LCP2: variants seen among roughly 807,000 people sequenced by gnomAD.
The protein encoded by LCP2 is lymphocyte cytosolic protein 2.
Under a neutral mutation model 74.5 loss-of-function variants are expected in LCP2, and 29 were observed. That is an observed-to-expected ratio of 0.39 (90% CI 0.29 to 0.53). The LOEUF (loss-of-function observed/expected upper bound fraction) is 0.53, where lower values mean the gene tolerates loss of function less well. Among genes scored for constraint, LCP2 ranks in the 20% least tolerant of loss-of-function variants. The pLI is 0.72. For synonymous variants in LCP2, 228 were observed against 229.5 expected (o/e 0.99, Z 0.06); for missense variants, 604 against 634.6 (o/e 0.95, Z 0.52).
chr5:170,254,971 C>A (rs1296795881), intron 17 of LCP2, among the ~76,000 whole-genome samples: 2 of 152,200 alleles, frequency 1.3e-5, no homozygotes, highest in Non-Finnish European at 2.9e-5. Flanking sequence ...CAATTTGGAT[C>A]AAGCTAATGT....
intron 19 of LCP2, chr5:170,251,095 G>A: frequency 2.1e-6 from 1 of 483,788 alleles, no homozygotes; most frequent in Non-Finnish European, 3.7e-6. Context: ...TATTAAGAAA[G>A]GCAACAGAGA....
intron 3 of LCP2, among the ~76,000 whole-genome samples, chr5:170,279,276 C>T (rs1187305572): frequency 6.6e-6 from 1 of 152,168 alleles, no homozygotes; most frequent in South Asian, 2.1e-4. Flanking sequence ...GGTTCCAGCC[C>T]AGCTGCATCC....
intron 2 of LCP2, among the ~76,000 whole-genome samples, chr5:170,291,065 AAAG>A (rs750166363): frequency 6.8e-4 from 103 of 151,806 alleles, no homozygotes; most frequent in Non-Finnish European, 1.1e-3. Flanking sequence ...GGAAGGAAGA[AAAG>A]AAAGAGAGGG....
At chr5:170,277,954 G>A (rs1039316152) in intron 3 of LCP2, among the ~76,000 whole-genome samples, 7 of 151,812 alleles carry the variant, frequency 4.6e-5, no homozygotes, top group Non-Finnish European at 7.4e-5. Flanking sequence ...GAGCAGCAGC[G>A]GGGGCTTCCT....
chr5:170,251,821 A>G (rs1320940886), intron 19 of LCP2: 6 of 327,980 alleles, frequency 1.8e-5, no homozygotes, highest in South Asian at 4.6e-5. Flanking sequence ...GGATTTTTCA[A>G]AAGTTCTCCG....
intron 7 of LCP2, among the ~76,000 whole-genome samples, chr5:170,269,069 C>A (rs547427641): frequency 3.3e-5 from 5 of 152,208 alleles, no homozygotes; most frequent in African/African-American, 1.2e-4. Context: ...TGGGCTATCT[C>A]CTCCCTGACA....
rs761778590 is a variant in LCP2, at chr5:170,266,843, G to A, written c.737C>T (p.Ser246Leu). The change falls in exon 10 of 21, where the codon TCA (serine) becomes TTA (leucine). Residue 246 changes from serine to leucine, a missense_variant. Coordinates refer to ENST00000046794, the MANE Select transcript of LCP2 (RefSeq NM_005565.5). Reference sequence around the variant, plus strand: ...GGGTTCTCTATCAAACGGAGCTAATGAACGATCTAGGGGAGGTTTCGTGCT... The same window carrying A: ...GGGTTCTCTATCAAACGGAGCTAATAAACGATCTAGGGGAGGTTTCGTGCT... Reference protein sequence around the residue: ...DRSTKPPLDRSLAPFDREPFT... With the variant: ...DRSTKPPLDRLLAPFDREPFT... 6.8e-6 allele frequency: 11 copies of A among 1,613,956 alleles called. No homozygotes were observed. In the South Asian group the frequency reaches 8.8e-5, roughly 13 times the overall value.
At chr5:170,287,835 C>T in intron 3 of LCP2, 135 bp downstream of exon 3, 1 of 790,538 alleles carries the variant, frequency 1.3e-6, no homozygotes, top group Non-Finnish European at 2.2e-6. Context: ...CACATCCTGC[C>T]CTTGCCCTCA....
chr5:170,295,098 GCTGGGACCCCAC>G (rs1024890838), intron 1 of LCP2, among the ~76,000 whole-genome samples: 55 of 152,320 alleles, frequency 3.6e-4, no homozygotes, highest in African/African-American at 1.3e-3. Context: ...TGGGATACCA[GCTGGGACCCCAC>G]CTGGGATTAG....
intron 17 of LCP2, among the ~76,000 whole-genome samples, chr5:170,255,436 CA>C (rs1431506945): frequency 6.6e-6 from 1 of 152,034 alleles, no homozygotes; most frequent in African/African-American, 2.4e-5. Flanking sequence ...AACATGACTG[CA>C]AAAAAAGTGG....
At chr5:170,278,561 C>T (rs1025886016) in intron 3 of LCP2, among the ~76,000 whole-genome samples, 2 of 151,118 alleles carry the variant, frequency 1.3e-5, no homozygotes, top group African/African-American at 4.9e-5. Context: ...TTAAAATGAT[C>T]AGGCCTCACT....
intron 7 of LCP2, among the ~76,000 whole-genome samples, chr5:170,269,046 C>T (rs759788340): frequency 2.0e-5 from 3 of 152,202 alleles, no homozygotes; most frequent in African/African-American, 4.8e-5. Flanking sequence ...CTTCCTTCCC[C>T]TCTCCAGTGT....
Position 170,262,848 on chromosome 5 carries a change from G to T in LCP2, c.812C>A (p.Ala271Glu), listed in dbSNP as rs369378243. The change falls in exon 12 of 21, where the codon GCG (alanine) becomes GAG (glutamate). Residue 271 changes from alanine to glutamate, a missense_variant. By Grantham distance (107) the Ala-to-Glu change is moderately radical. Transcript: ENST00000046794. ...PPFSDKPSIP[A>E]GRSLGEHLPK... ...GTAGATGCAACAGTCTTACCTTCCC[G>T]CTGGAATCGAGGGCTGCAAGACAGG... 1 of 1,614,018 alleles carries T rather than the reference G, an allele frequency of 6.2e-7. No homozygotes were observed. The highest frequency in any genetic ancestry group is 8.5e-7 in the Non-Finnish European group (1 of 1,179,884).
intron 13 of LCP2, among the ~76,000 whole-genome samples, chr5:170,262,208 A>G (rs1455336534): frequency 6.6e-6 from 1 of 152,196 alleles, no homozygotes; most frequent in Non-Finnish European, 1.5e-5. Flanking sequence ...CAATTATCAA[A>G]TGTGGTTGAG....
At chr5:170,260,526 TA>T (rs1761632840) in intron 14 of LCP2, among the ~76,000 whole-genome samples, 1 of 152,216 alleles carries the variant, frequency 6.6e-6, no homozygotes, top group Non-Finnish European at 1.5e-5. Context: ...GATGTTTCCT[TA>T]TGGGTTCATT....
intron 17 of LCP2, among the ~76,000 whole-genome samples, chr5:170,253,543 G>A (rs1435562882): frequency 6.6e-6 from 1 of 152,158 alleles, no homozygotes; most frequent in African/African-American, 2.4e-5. Context: ...GAATGTGAAC[G>A]TCAAAATGAA....
intron 2 of LCP2, among the ~76,000 whole-genome samples, chr5:170,289,756 C>CT (rs1470461757): frequency 1.8e-5 from 1 of 55,528 alleles, no homozygotes; most frequent in Non-Finnish European, 3.5e-5. Context: ...TCTTTTCTTT[C>CT]TCTTTTTTTT....
intron 17 of LCP2, 23 bp from the exon 18 acceptor site, chr5:170,253,236 C>CAGTT (rs766121346): frequency 3.4e-6 from 5 of 1,492,490 alleles, no homozygotes; most frequent in Non-Finnish European, 4.6e-6. Context: ...AGAATTCTGA[C>CAGTT]AGTTAATTTA....
rs762937380 is a variant in LCP2 at position 170,297,649 on chromosome 5, G to A, written c.-38C>T. On this transcript the variant is annotated 5_prime_UTR_variant, in exon 1 of 21. Coordinates refer to ENST00000046794, the MANE Select transcript of LCP2 (RefSeq NM_005565.5). ...GGGAAGAAGCTCACAAGCTGAGCAT[G>A]GGCGCTTCACCCATGGGCAGAGAAG... 170 of 1,567,572 alleles carry A rather than the reference G, an allele frequency of 1.1e-4. No individual in the cohort carries two copies. The highest frequency in any genetic ancestry group is 1.4e-4 in the Non-Finnish European group (162 of 1,150,984).
Sources: allele counts gnomAD v4.1 joint callset (sites outside exome capture counted in the v4.1 genomes callset), GRCh38; gene constraint gnomAD v4.1.1; transcripts MANE v1.5; gene names NCBI Gene and HGNC (gene_info 2026-07-23, HGNC 2026-07-21).